The following SLC35F4 variants were observed in gnomAD, a reference collection of about 807,000 sequenced individuals.
SLC35F4 encodes the protein solute carrier family 35 member F4.
SLC35F4 carries 24 observed loss-of-function variants against 44.2 expected under a neutral mutation model. The observed-to-expected ratio is 0.54, with a 90% CI of 0.39 to 0.76. The LOEUF (loss-of-function observed/expected upper bound fraction) is 0.76, where lower values mean the gene tolerates loss of function less well. Ranked by LOEUF, SLC35F4 falls within the 30% of genes least tolerant of loss-of-function variation. The pLI is 0.00. For synonymous variants in SLC35F4, 238 were observed against 223.6 expected (o/e 1.06, Z -0.57); for missense variants, 562 against 586.1 (o/e 0.96, Z 0.42).
intron 1 of SLC35F4, among the ~76,000 whole-genome samples, chr14:57,633,577 A>C (rs1020232952): frequency 2.0e-5 from 3 of 152,108 alleles, no homozygotes; most frequent in Admixed American, 6.5e-5. Flanking sequence ...CTTCCCATGT[A>C]CCCTTCACCC....
chr14:57,834,918 A>G (rs1388336834), intron 1 of SLC35F4, among the ~76,000 whole-genome samples: 1 of 152,174 alleles, frequency 6.6e-6, no homozygotes, highest in East Asian at 1.9e-4. Context: ...AATCTCAGCT[A>G]CTCAGGAGGC....
At chr14:57,572,989 G>C (rs954245031) in intron 4 of SLC35F4, among the ~76,000 whole-genome samples, 1 of 137,466 alleles carries the variant, frequency 7.3e-6, no homozygotes, top group Non-Finnish European at 1.6e-5. Flanking sequence ...CCTACATGGT[G>C]ATTAATTTTG....
chr14:57,583,744 A>T (rs1241401933), intron 3 of SLC35F4, among the ~76,000 whole-genome samples: 1 of 152,186 alleles, frequency 6.6e-6, no homozygotes, highest in Non-Finnish European at 1.5e-5. Flanking sequence ...TGTAGAAATT[A>T]AAAATGCTCT....
chr14:57,828,127 C>T (rs1883982002), intron 1 of SLC35F4, among the ~76,000 whole-genome samples: 1 of 152,142 alleles, frequency 6.6e-6, no homozygotes, highest in African/African-American at 2.4e-5. Context: ...CAGTTGAGAT[C>T]ACAGGAACCC....
At chr14:57,827,921 A>C (rs2025032) in intron 1 of SLC35F4, among the ~76,000 whole-genome samples, 74,411 of 152,018 alleles carry the variant, frequency 0.49, 20,808 homozygotes, top group African/African-American at 0.76. Flanking sequence ...CATTACCAAG[A>C]TTTCAGCTAA....
At chr14:57,819,374 T>A (rs1006713235) in intron 1 of SLC35F4, among the ~76,000 whole-genome samples, 4 of 152,092 alleles carry the variant, frequency 2.6e-5, no homozygotes, top group African/African-American at 9.7e-5. Flanking sequence ...AAGGAGAATC[T>A]CCTAATTAAT....
At chr14:57,855,461 G>C (rs559097574) in intron 1 of SLC35F4, among the ~76,000 whole-genome samples, 1 of 152,232 alleles carries the variant, frequency 6.6e-6, no homozygotes, top group Non-Finnish European at 1.5e-5. Flanking sequence ...CTGGTCATTA[G>C]AGAAATGCAA....
chr14:57,678,055 C>G (rs2074759490), intron 1 of SLC35F4, among the ~76,000 whole-genome samples: 2 of 151,818 alleles, frequency 1.3e-5, no homozygotes, highest in South Asian at 4.2e-4. Context: ...AAGAGCAACC[C>G]CAAGACAAAT....
intron 1 of SLC35F4, among the ~76,000 whole-genome samples, chr14:57,770,596 C>A (rs1186679199): frequency 6.6e-6 from 1 of 152,106 alleles, no homozygotes; most frequent in African/African-American, 2.4e-5. Context: ...ACCTTCACAG[C>A]CTCTCTCTTC....
At chr14:57,750,347 A>C (rs529154886) in intron 1 of SLC35F4, among the ~76,000 whole-genome samples, 56 of 152,304 alleles carry the variant, frequency 3.7e-4, no homozygotes, top group African/African-American at 1.3e-3. Context: ...GTGCTGTGGT[A>C]AACATAGGAG....
intron 1 of SLC35F4, among the ~76,000 whole-genome samples, chr14:57,734,367 T>C (rs1273937579): frequency 6.6e-6 from 1 of 152,140 alleles, no homozygotes; most frequent in Non-Finnish European, 1.5e-5. Context: ...TTGTTTAATC[T>C]CCCTTTCCTC....
At chr14:57,793,422 T>C (rs754217855) in intron 1 of SLC35F4, among the ~76,000 whole-genome samples, 32 of 152,010 alleles carry the variant, frequency 2.1e-4, no homozygotes, top group Non-Finnish European at 3.8e-4. Context: ...GAGCCTCCAA[T>C]GTCCATCAAA....
At chr14:57,894,903 CTTA>C (rs1441557909) in intron 1 of SLC35F4, among the ~76,000 whole-genome samples, 2 of 152,100 alleles carry the variant, frequency 1.3e-5, no homozygotes, top group Non-Finnish European at 1.5e-5. Flanking sequence ...AGAAAAGTGT[CTTA>C]TTATATAACT....
At chr14:57,804,898 C>T (rs1311855580) in intron 1 of SLC35F4, among the ~76,000 whole-genome samples, 1 of 151,936 alleles carries the variant, frequency 6.6e-6, no homozygotes, top group Non-Finnish European at 1.5e-5. Context: ...CCAGAGTCTA[C>T]AAGAGAAATT....
intron 1 of SLC35F4, among the ~76,000 whole-genome samples, chr14:57,877,674 CTTTTTTTTTTTT>C (rs139397949): frequency 9.5e-5 from 5 of 52,440 alleles, no homozygotes; most frequent in African/African-American, 4.1e-4. Context: ...TATTTTTTGA[CTTTTTTTTTTTT>C]TTTTTTTTTT....
At chr14:57,667,397 A>G (rs373128434) in intron 1 of SLC35F4, among the ~76,000 whole-genome samples, 1 of 118,542 alleles carries the variant, frequency 8.4e-6, no homozygotes, top group African/African-American at 3.5e-5. Flanking sequence ...TGCAGGTTAC[A>G]TATGTATACA....
intron 1 of SLC35F4, among the ~76,000 whole-genome samples, chr14:57,663,747 A>T (rs1454290606): frequency 6.6e-6 from 1 of 152,198 alleles, no homozygotes; most frequent in Non-Finnish European, 1.5e-5. Flanking sequence ...CTGCTGGTGA[A>T]ATCAGGCTGC....
intron 1 of SLC35F4, among the ~76,000 whole-genome samples, chr14:57,613,470 C>T (rs905082804): frequency 1.3e-5 from 2 of 152,128 alleles, no homozygotes; most frequent in Non-Finnish European, 1.5e-5. Flanking sequence ...CAGTCAAAAA[C>T]GTCAGTCACC....
intron 1 of SLC35F4, among the ~76,000 whole-genome samples, chr14:57,917,009 G>A (rs1889342046): frequency 6.7e-6 from 1 of 149,844 alleles, no homozygotes; most frequent in South Asian, 2.1e-4. Flanking sequence ...ATATCTCTCT[G>A]GTTTTGTTTT....
Sources: gnomAD v4.1 joint callset for allele counts (sites outside exome capture counted in the v4.1 genomes callset) on GRCh38, gnomAD v4.1.1 for gene constraint, MANE v1.5 for transcripts, NCBI Gene and HGNC (gene_info 2026-07-23, HGNC 2026-07-21) for gene names.